CACNB2: variants seen among roughly 807,000 people sequenced by gnomAD.
The protein encoded by CACNB2 is voltage-dependent L-type calcium channel subunit beta-2.
A neutral mutation model predicts 73.3 loss-of-function variants in CACNB2; 42 were observed. That is an observed-to-expected ratio of 0.57 (90% CI 0.45 to 0.74). The LOEUF is 0.74. CACNB2 is among the 30% of genes least tolerant of loss of function. The pLI, the probability that CACNB2 is intolerant of heterozygous loss-of-function variation, is 0.00. For synonymous variants in CACNB2, 348 were observed against 310.3 expected, an observed-to-expected ratio of 1.12 and a Z score of -1.28; for missense variants, 940 against 853.0, an observed-to-expected ratio of 1.10 and a Z score of -1.27.
chr10:18,203,759 C>A (rs1780919110), intron 2 of CACNB2, among the ~76,000 whole-genome samples: 1 of 151,896 alleles, frequency 6.6e-6, no homozygotes, highest in Non-Finnish European at 1.5e-5. Flanking sequence ...CTAGTGGTGA[C>A]TGTTATGAAA....
chr10:18,466,675 A>G (rs902491262), intron 3 of CACNB2, among the ~76,000 whole-genome samples: 3 of 152,186 alleles, frequency 2.0e-5, no homozygotes, highest in Admixed American at 1.3e-4. Context: ...CTGAAGGAAT[A>G]AGAGATTCAC....
At chr10:18,500,016 G>C (rs899830805) in intron 4 of CACNB2, among the ~76,000 whole-genome samples, 1 of 152,010 alleles carries the variant, frequency 6.6e-6, no homozygotes, top group Non-Finnish European at 1.5e-5. Context: ...TACCATTTTG[G>C]TAACCTCTGA....
At chr10:18,429,339 A>G (rs2045761805) in intron 3 of CACNB2, among the ~76,000 whole-genome samples, 1 of 152,088 alleles carries the variant, frequency 6.6e-6, no homozygotes, top group Non-Finnish European at 1.5e-5. Flanking sequence ...GTGTGGTGTC[A>G]TCTCACTGTG....
chr10:18,172,044 A>G (rs115902681), intron 2 of CACNB2, among the ~76,000 whole-genome samples: 2,061 of 152,276 alleles, frequency 0.014, 54 homozygotes, highest in African/African-American at 0.047. Context: ...GCGGGATTAC[A>G]AAACCAGGAT....
intron 2 of CACNB2, among the ~76,000 whole-genome samples, chr10:18,183,526 C>G (rs1277259379): frequency 6.6e-6 from 1 of 152,102 alleles, no homozygotes; most frequent in Non-Finnish European, 1.5e-5. Context: ...AAGGGCAAGT[C>G]ACGTCTTACA....
intron 2 of CACNB2, among the ~76,000 whole-genome samples, chr10:18,223,059 T>A (rs915334358): frequency 2.0e-5 from 3 of 152,166 alleles, no homozygotes; most frequent in African/African-American, 7.2e-5. Flanking sequence ...CTGACACAAC[T>A]CCAGAAGGCT....
chr10:18,166,193 C>A (rs2032838448), intron 2 of CACNB2, among the ~76,000 whole-genome samples: 1 of 152,030 alleles, frequency 6.6e-6, no homozygotes, highest in African/African-American at 2.4e-5. Context: ...AGTGACAAAT[C>A]TTAAAAATTA....
rs544899696 is a variant in CACNB2 at position 18,274,128 on chromosome 10, A to G, written c.213+123153A>G. On this transcript the variant is annotated intron_variant, in intron 2 of 13. Coordinates refer to ENST00000324631, the MANE Select transcript of CACNB2 (RefSeq NM_201596.3). ...TCGGATGTCCTGGGCGCAATGGACT[A>G]CATTGTGAAGCCTGTTGGCAACTTC... is the stretch of plus-strand genomic sequence containing the variant. 2.0e-5 allele frequency among the ~76,000 whole-genome samples: 3 copies of G among 152,326 alleles called. No individual in the cohort carries two copies. The South Asian group carries it at 6.2e-4, about 32-fold the overall frequency.
intron 2 of CACNB2, among the ~76,000 whole-genome samples, chr10:18,401,319 G>A (rs541619207): frequency 1.6e-4 from 25 of 152,206 alleles, no homozygotes; most frequent in South Asian, 1.5e-3. Context: ...TTCTGTAGAC[G>A]GCTTTTTATT....
At chr10:18,301,467 T>G (rs1429685267) in intron 2 of CACNB2, among the ~76,000 whole-genome samples, 2 of 151,730 alleles carry the variant, frequency 1.3e-5, no homozygotes, top group Non-Finnish European at 2.9e-5. Flanking sequence ...TGGTGGCACA[T>G]GCCTGCAGTC....
intron 3 of CACNB2, among the ~76,000 whole-genome samples, chr10:18,416,739 A>G (rs549752103): frequency 4.7e-4 from 72 of 152,262 alleles, no homozygotes; most frequent in African/African-American, 1.7e-3. Context: ...GCAAGCAGGA[A>G]CTATAGCGTA....
At chr10:18,244,262 G>C (rs1049989188) in intron 2 of CACNB2, among the ~76,000 whole-genome samples, 1 of 152,132 alleles carries the variant, frequency 6.6e-6, no homozygotes, top group African/African-American at 2.4e-5. Flanking sequence ...ACAGATGTCT[G>C]GTTTCTTTGC....
At chr10:18,217,591 A>T (rs2035564856) in intron 2 of CACNB2, among the ~76,000 whole-genome samples, 1 of 152,060 alleles carries the variant, frequency 6.6e-6, no homozygotes, top group Admixed American at 6.6e-5. Flanking sequence ...GGGAAGTCAG[A>T]GTGTGTATTT....
chr10:18,152,694 G>A (rs2131041672), intron 2 of CACNB2, among the ~76,000 whole-genome samples: 1 of 120,646 alleles, frequency 8.3e-6, no homozygotes, highest in South Asian at 2.8e-4. Context: ...TCATCATGCA[G>A]GACCTGAAAC....
intron 2 of CACNB2, among the ~76,000 whole-genome samples, chr10:18,356,325 T>A (rs769701682): frequency 7.9e-5 from 12 of 152,210 alleles, no homozygotes; most frequent in Non-Finnish European, 1.8e-4. Context: ...TACCCTGTGC[T>A]CTGTCTCACT....
intron 2 of CACNB2, among the ~76,000 whole-genome samples, chr10:18,160,494 C>T (rs934922036): frequency 5.3e-5 from 8 of 151,956 alleles, no homozygotes; most frequent in Non-Finnish European, 7.4e-5. Flanking sequence ...TTAGAAGTCA[C>T]GCAAACTGAA....
intron 3 of CACNB2, among the ~76,000 whole-genome samples, chr10:18,404,656 C>A (rs1282538150): frequency 6.6e-6 from 1 of 152,172 alleles, no homozygotes. Flanking sequence ...GTGCAGATGA[C>A]GTTAGCAGTG....
chr10:18,510,898 T>C (rs2050737317), intron 6 of CACNB2, among the ~76,000 whole-genome samples: 2 of 152,236 alleles, frequency 1.3e-5, no homozygotes, highest in Admixed American at 1.3e-4. Flanking sequence ...CTGACGCAGA[T>C]TTTGTCCTTC....
intron 2 of CACNB2, among the ~76,000 whole-genome samples, chr10:18,370,926 A>G (rs945478961): frequency 5.3e-5 from 8 of 152,216 alleles, no homozygotes; most frequent in African/African-American, 1.9e-4. Flanking sequence ...TATATGTCAC[A>G]TGGTGAACAT....
Sources: allele counts gnomAD v4.1 joint callset (sites outside exome capture counted in the v4.1 genomes callset), GRCh38; gene constraint gnomAD v4.1.1; transcripts MANE v1.5; gene names NCBI Gene and HGNC (gene_info 2026-07-23, HGNC 2026-07-21).